Variants in DNAJC24 observed in about 807,000 individuals in gnomAD.
The protein encoded by DNAJC24 is DnaJ heat shock protein family (Hsp40) member C24, also known as dnaJ homolog subfamily C member 24.
Under a neutral mutation model 18.0 loss-of-function variants are expected in DNAJC24, and 17 were observed. The ratio of observed to expected loss-of-function variants is 0.94; its 90% CI spans 0.65 to 1.42. The LOEUF (loss-of-function observed/expected upper bound fraction) is 1.42. Ranked by LOEUF, DNAJC24 falls within the 40% of genes most tolerant of loss-of-function variation. The pLI is 0.00. For synonymous variants in DNAJC24, 55 were observed against 57.7 expected (o/e 0.95, Z 0.21); for missense variants, 158 against 175.6 (o/e 0.90, Z 0.57).
intron 2 of DNAJC24, among the ~76,000 whole-genome samples, chr11:31,391,155 TATC>T (rs1256323400): frequency 6.6e-6 from 1 of 152,168 alleles, no homozygotes; most frequent in Non-Finnish European, 1.5e-5. Flanking sequence ...TTCAACATCA[TATC>T]ATGACAAAAA....
At chr11:31,428,053 A>T (rs1436175332) in intron 4 of DNAJC24, 2 of 151,532 alleles carry the variant, frequency 1.3e-5, no homozygotes, top group African/African-American at 4.8e-5. Context: ...ATATATTTTT[A>T]AAAAGAAAAG....
intron 2 of DNAJC24, among the ~76,000 whole-genome samples, chr11:31,399,378 G>T (rs1448330395): frequency 6.7e-6 from 1 of 149,356 alleles, no homozygotes; most frequent in African/African-American, 2.5e-5. Context: ...CTTTATTTTT[G>T]TGAATTCTGT....
At chr11:31,424,810 T>C (rs1405919643) in intron 3 of DNAJC24, among the ~76,000 whole-genome samples, 1 of 152,156 alleles carries the variant, frequency 6.6e-6, no homozygotes, top group Non-Finnish European at 1.5e-5. Context: ...TGTAACTCAC[T>C]AATAAATTTT....
At chr11:31,384,666 G>A (rs572298688) in intron 2 of DNAJC24, 1 of 152,234 alleles carries the variant, frequency 6.6e-6, no homozygotes, top group Admixed American at 6.5e-5. Context: ...AGCATGTGAA[G>A]TGATTTGACC....
At chr11:31,415,719 C>T (rs565988319) in intron 3 of DNAJC24, 1 of 152,290 alleles carries the variant, frequency 6.6e-6, no homozygotes, top group East Asian at 1.9e-4. Flanking sequence ...GTGGGGAAAA[C>T]ACTCAGTCGC....
chr11:31,426,664 A>G, intron 4 of DNAJC24: 2 of 212,778 alleles, frequency 9.4e-6, no homozygotes, highest in Non-Finnish European at 1.8e-5. Flanking sequence ...TCTATGTAGT[A>G]TTGTAGTATG....
chr11:31,387,686 T>G (rs1952443338), intron 2 of DNAJC24, among the ~76,000 whole-genome samples: 1 of 152,192 alleles, frequency 6.6e-6, no homozygotes, highest in Admixed American at 6.5e-5. Flanking sequence ...AATAAATTCC[T>G]AATTCTTCAA....
chr11:31,428,529 A>T (rs1952887457), intron 4 of DNAJC24, among the ~76,000 whole-genome samples: 1 of 152,182 alleles, frequency 6.6e-6, no homozygotes, highest in Non-Finnish European at 1.5e-5. Context: ...CTTTAGGATC[A>T]TTTGCAGAAT....
At chr11:31,399,739 C>CTTTTTTTTTT (rs757871094) in intron 2 of DNAJC24, among the ~76,000 whole-genome samples, 118 of 96,952 alleles carry the variant, frequency 1.2e-3, no homozygotes, top group East Asian at 2.5e-3. Context: ...ACTGTTTTTT[C>CTTTTTTTTTT]TTTTTTTTTT....
rs1393488079 is a variant in DNAJC24 at position 31,429,344 on chromosome 11, C to T, written c.320-927C>T. On this transcript the variant is annotated intron_variant, in intron 4 of 4. Coordinates refer to ENST00000465995, the MANE Select transcript of DNAJC24 (RefSeq NM_181706.5). ...TTTCTTTTTTAAACTACATATGATG[C>T]GATCTAAGTATTAATCAAATTTGAT... 3 of 209,816 alleles carry T rather than the reference C, an allele frequency of 1.4e-5. No individual in the cohort carries two copies. The South Asian group carries it at 1.8e-4, about 13-fold the overall frequency. 13.0% of individuals were successfully genotyped at this position (209,816 alleles called of 1,614,324 possible). A position where few individuals can be genotyped will look rare whatever the true frequency, so the allele number is the denominator to read the frequency against.
chr11:31,403,289 T>C (rs1307947047), intron 2 of DNAJC24, among the ~76,000 whole-genome samples: 2 of 152,084 alleles, frequency 1.3e-5, no homozygotes, highest in African/African-American at 4.8e-5. Context: ...TGAGAGAAAG[T>C]GAGACACTTT....
rs192903577 is a variant in DNAJC24 at position 31,422,164 on chromosome 11, A to T, written c.251-4123A>T. ...ACATACATTATTTGATTTTAACATT[A>T]TATTTCTCAAGAACCTCTCTTTATA... On this transcript the variant is annotated intron_variant, in intron 3 of 4. Transcript: ENST00000465995. The T allele has an allele frequency of 2.2e-5, 5 of 222,340 alleles. 1 individual carries two copies. The highest frequency in any genetic ancestry group is 1.8e-4 in the Admixed American group (3 of 16,714). The allele number at this position is 222,340 out of a possible 1,614,324, so 13.8% of individuals were successfully genotyped here.
chr11:31,370,471 TA>T (rs1251148479), intron 1 of DNAJC24, among the ~76,000 whole-genome samples: 15 of 152,322 alleles, frequency 9.8e-5, no homozygotes, highest in African/African-American at 3.6e-4. Flanking sequence ...TTCTTTTTTT[TA>T]ATGCTGTTCA....
In DNAJC24 at chr11:31,414,806, G is replaced by A; in HGVS notation, c.112-5G>A. 6.2e-7 allele frequency: 1 copy of A among 1,610,472 alleles called. No individual in the cohort carries two copies. Among genetic ancestry groups the A allele is most frequent in the Non-Finnish European group, 8.5e-7 (1 of 1,178,328 alleles). ...ACCCCCTGCACCCTTCTTTTTGATT[G>A]GCAGTATCATCCAGATAAACAAAGT... On this transcript the variant is annotated splice_region_variant and splice_polypyrimidine_tract_variant and intron_variant, in intron 2 of 4. Coordinates refer to ENST00000465995, the MANE Select transcript of DNAJC24 (RefSeq NM_181706.5).
chr11:31,390,395 C>CAA (rs370680501), intron 2 of DNAJC24, among the ~76,000 whole-genome samples: 484 of 48,026 alleles, frequency 0.01, 5 homozygotes, highest in Middle Eastern at 0.048. Context: ...GACTCTATCT[C>CAA]AAAAAAAAAA....
At chr11:31,419,398 G>C (rs1952782635) in intron 3 of DNAJC24, among the ~76,000 whole-genome samples, 1 of 151,958 alleles carries the variant, frequency 6.6e-6, no homozygotes, top group African/African-American at 2.4e-5. Context: ...TTTCTGTGCA[G>C]GTTCCCTCGC....
chr11:31,410,157 A>G (rs1164287438), intron 2 of DNAJC24, among the ~76,000 whole-genome samples: 1 of 152,156 alleles, frequency 6.6e-6, no homozygotes, highest in East Asian at 1.9e-4. Context: ...TGCTGGGATT[A>G]CAGGCATGAG....
At chr11:31,412,877 G>C (rs945680165) in intron 2 of DNAJC24, among the ~76,000 whole-genome samples, 6 of 152,162 alleles carry the variant, frequency 3.9e-5, no homozygotes, top group African/African-American at 1.4e-4. Context: ...GAGGATTTCA[G>C]AAGTGTGAAG....
intron 2 of DNAJC24, among the ~76,000 whole-genome samples, chr11:31,378,253 T>C (rs781082954): frequency 1.3e-5 from 2 of 152,136 alleles, no homozygotes; most frequent in African/African-American, 4.8e-5. Context: ...ACTTGTCTTG[T>C]AGTTCACATT....
Sources: gnomAD v4.1 joint callset for allele counts (sites outside exome capture counted in the v4.1 genomes callset) on GRCh38, gnomAD v4.1.1 for gene constraint, MANE v1.5 for transcripts, NCBI Gene and HGNC (gene_info 2026-07-23, HGNC 2026-07-21) for gene names.